The following COL23A1 variants were observed in gnomAD, a reference collection of about 807,000 sequenced individuals.
The protein encoded by COL23A1 is collagen alpha-1(XXIII) chain.
Under a neutral mutation model 99.3 loss-of-function variants are expected in COL23A1, and 97 were observed. That is an observed-to-expected ratio of 0.98 (90% CI 0.83 to 1.16). The LOEUF is 1.16. COL23A1 is among the 50% of genes most tolerant of loss of function. The pLI is 0.00. For synonymous variants in COL23A1, 320 were observed against 308.2 expected, an observed-to-expected ratio of 1.04 and a Z score of -0.40; for missense variants, 762 against 757.4, an observed-to-expected ratio of 1.01 and a Z score of -0.07.
At chr5:178,455,271 G>A (rs1354484384) in intron 2 of COL23A1, among the ~76,000 whole-genome samples, 1 of 152,164 alleles carries the variant, frequency 6.6e-6, no homozygotes, top group South Asian at 2.1e-4. Context: ...GGGCCTGCCC[G>A]TGGGCCCGCC....
intron 2 of COL23A1, among the ~76,000 whole-genome samples, chr5:178,556,360 C>T (rs539686660): frequency 5.1e-4 from 78 of 152,176 alleles, no homozygotes; most frequent in African/African-American, 7.7e-4. Flanking sequence ...TGGTGGCTCA[C>T]GCCTATAATC....
rs199801417 is a variant in COL23A1, at chr5:178,262,272, C to G, written c.640-20G>C. 4.4e-4 allele frequency: 688 copies of G among 1,574,980 alleles called. No individual in the cohort carries two copies. The highest frequency in any genetic ancestry group is 5.7e-4 in the Non-Finnish European group (661 of 1,159,532). ...GGGGCCCTGCGGAAGTGTGAGGGGA[C>G]AGCAGTGAAGGATGCAGGATGTCAC... is the stretch of plus-strand genomic sequence containing the variant. On this transcript the variant is annotated intron_variant, in intron 9 of 28. Transcript: ENST00000390654.
chr5:178,559,655 T>C (rs1237501739), intron 2 of COL23A1, among the ~76,000 whole-genome samples: 2 of 137,494 alleles, frequency 1.5e-5, no homozygotes, highest in African/African-American at 2.9e-5. Context: ...CGTCGAGAAG[T>C]CTGAGACACA....
At chr5:178,372,323 T>C (rs1330976671) in intron 2 of COL23A1, among the ~76,000 whole-genome samples, 1 of 152,240 alleles carries the variant, frequency 6.6e-6, no homozygotes, top group Non-Finnish European at 1.5e-5. Context: ...CCTCCAGGTT[T>C]TCTGTTTCTT....
chr5:178,523,091 A>G (rs1407882936), intron 2 of COL23A1, among the ~76,000 whole-genome samples: 1 of 150,192 alleles, frequency 6.7e-6, no homozygotes, highest in African/African-American at 2.4e-5. Context: ...ACCTGAGGTC[A>G]GGAGTTCAAG....
At chr5:178,418,158 T>C (rs1336695124) in intron 2 of COL23A1, among the ~76,000 whole-genome samples, 2 of 152,250 alleles carry the variant, frequency 1.3e-5, no homozygotes, top group African/African-American at 4.8e-5. Context: ...CTCTGTGTCT[T>C]GGTTTCATAA....
At chr5:178,522,008 T>C (rs989727423) in intron 2 of COL23A1, among the ~76,000 whole-genome samples, 2 of 152,210 alleles carry the variant, frequency 1.3e-5, no homozygotes, top group Non-Finnish European at 2.9e-5. Flanking sequence ...GTAATCTTTA[T>C]GTTATGTATT....
chr5:178,554,989 C>G (rs993497757), intron 2 of COL23A1, among the ~76,000 whole-genome samples: 12 of 152,156 alleles, frequency 7.9e-5, no homozygotes, highest in Non-Finnish European at 2.9e-5. Context: ...ACAATAACTC[C>G]CTGGGTTAGT....
intron 2 of COL23A1, among the ~76,000 whole-genome samples, chr5:178,477,074 G>A (rs1757070427): frequency 6.6e-6 from 1 of 152,234 alleles, no homozygotes; most frequent in African/African-American, 2.4e-5. Flanking sequence ...ATTCTCAGGG[G>A]CTGTGGAAGG....
At chr5:178,379,418 C>T (rs1018454052) in intron 2 of COL23A1, among the ~76,000 whole-genome samples, 9 of 152,134 alleles carry the variant, frequency 5.9e-5, no homozygotes, top group Admixed American at 2.0e-4. Flanking sequence ...GATGGACACA[C>T]ATGAATCTGG....
At chr5:178,279,555 C>T (rs1272592038) in intron 5 of COL23A1, among the ~76,000 whole-genome samples, 6 of 152,272 alleles carry the variant, frequency 3.9e-5, no homozygotes, top group South Asian at 2.1e-4. Context: ...GCTGGGAAGA[C>T]GAGGCCTCAG....
chr5:178,543,515 A>G (rs1302996572), intron 2 of COL23A1, among the ~76,000 whole-genome samples: 1 of 152,188 alleles, frequency 6.6e-6, no homozygotes, highest in Non-Finnish European at 1.5e-5. Flanking sequence ...AGGCGTGTTC[A>G]GTTATGAAAT....
intron 2 of COL23A1, among the ~76,000 whole-genome samples, chr5:178,494,675 A>T (rs971143077): frequency 6.6e-6 from 1 of 152,164 alleles, no homozygotes; most frequent in Non-Finnish European, 1.5e-5. Flanking sequence ...CAAACAAAAG[A>T]GTGCTGGGTG....
chr5:178,463,952 C>T (rs781549380), intron 2 of COL23A1, among the ~76,000 whole-genome samples: 18 of 152,202 alleles, frequency 1.2e-4, no homozygotes, highest in Non-Finnish European at 2.5e-4. Flanking sequence ...TTGTGGGCCT[C>T]CCGGCCGGGC....
intron 2 of COL23A1, among the ~76,000 whole-genome samples, chr5:178,519,991 A>G (rs965020628): frequency 6.6e-6 from 1 of 151,896 alleles, no homozygotes; most frequent in Non-Finnish European, 1.5e-5. Context: ...TGAAGCATAG[A>G]TGGAAGATGG....
intron 1 of COL23A1, among the ~76,000 whole-genome samples, chr5:178,574,712 T>C (rs973694094): frequency 6.6e-6 from 1 of 152,206 alleles, no homozygotes; most frequent in East Asian, 1.9e-4. Context: ...GGCAACCGGT[T>C]TGCAGTGTCA....
rs898378552 is a variant in COL23A1 at position 178,255,137 on chromosome 5, T to A, written c.883-111A>T. On this transcript the variant is annotated intron_variant, in intron 15 of 28. Transcript: ENST00000390654. The surrounding 1 kb of genome is among the most constrained non-coding windows in gnomAD (Gnocchi z 4.2). ...GAGAGAAAGCAATGGAAGAGCCTCG[T>A]CACCCAGGCTGCACGCATGCCCCTC... 1.1e-6 allele frequency: 1 copy of A among 900,690 alleles called. No individual in the cohort carries two copies. The highest frequency in any genetic ancestry group is 1.8e-6 in the Non-Finnish European group (1 of 556,022). 55.8% of individuals were successfully genotyped at this position (900,690 alleles called of 1,614,324 possible).
Position 178,248,223 on chromosome 5 carries a change from T to A in COL23A1, c.1181A>T (p.Glu394Val). 1 of 1,609,374 alleles carries A rather than the reference T, an allele frequency of 6.2e-7. No homozygotes were observed. The highest frequency in any genetic ancestry group is 8.5e-7 in the Non-Finnish European group (1 of 1,177,012). ...GADGLKGEKGESASDSLQESL... is the reference protein window; with the variant it reads ...GADGLKGEKGVSASDSLQESL... Reference sequence around the variant, plus strand: ...CTCCTGTAGGCTGTCAGACGCCGACTCCCCCTTCTCCCCCTTGAGGCCGTC... The same window carrying A: ...CTCCTGTAGGCTGTCAGACGCCGACACCCCCTTCTCCCCCTTGAGGCCGTC... Residue 394 changes from glutamate to valine, a missense_variant, in exon 20 of 29, where the codon GAG (glutamate) becomes GTG (valine). Physicochemically the swap from Glu to Val is moderately radical, Grantham distance 121. Coordinates refer to ENST00000390654, the MANE Select transcript of COL23A1 (RefSeq NM_173465.4).
chr5:178,484,446 C>T (rs929132520), intron 2 of COL23A1, among the ~76,000 whole-genome samples: 3 of 152,174 alleles, frequency 2.0e-5, no homozygotes. Context: ...TCCTAGGATC[C>T]TCATGCAAGA....
Sources: gnomAD v4.1 joint callset for allele counts (sites outside exome capture counted in the v4.1 genomes callset) on GRCh38, gnomAD v4.1.1 for gene constraint, Gnocchi (gnomAD v3.1) non-coding constraint, MANE v1.5 for transcripts, NCBI Gene and HGNC (gene_info 2026-07-23, HGNC 2026-07-21) for gene names.